The following MAST4 variants were observed in gnomAD, a reference collection of about 807,000 sequenced individuals.
The protein encoded by MAST4 is microtubule-associated serine/threonine-protein kinase 4.
In MAST4, 89 loss-of-function variants were observed where a neutral mutation model predicts 162.7. That is an observed-to-expected ratio of 0.55 (90% CI 0.46 to 0.65). The LOEUF is 0.65. Among genes scored for constraint, MAST4 ranks in the 30% least tolerant of loss-of-function variants. The pLI is 0.00. For synonymous variants in MAST4, 1,479 were observed against 1,361.1 expected (o/e 1.09, Z -1.91); for missense variants, 3,153 against 3,374.0 (o/e 0.93, Z 1.62).
chr5:67,116,829 T>A (rs1188236729), intron 12 of MAST4, among the ~76,000 whole-genome samples: 2 of 152,000 alleles, frequency 1.3e-5, no homozygotes, highest in Non-Finnish European at 2.9e-5. Flanking sequence ...AAATAAAAAA[T>A]AAATGATTAC....
At chr5:67,057,988 G>A (rs1759068262) in intron 5 of MAST4, among the ~76,000 whole-genome samples, 1 of 151,486 alleles carries the variant, frequency 6.6e-6, no homozygotes, top group Admixed American at 6.6e-5. Context: ...ACTTGTGATT[G>A]CAGCACTGTG....
intron 4 of MAST4, among the ~76,000 whole-genome samples, chr5:67,040,371 T>C (rs1172042743): frequency 1.3e-5 from 2 of 152,210 alleles, no homozygotes; most frequent in Non-Finnish European, 2.9e-5. Flanking sequence ...AGGAAGTGCC[T>C]GGTTGACCTG....
chr5:66,641,221 C>T (rs757818326), intron 1 of MAST4, among the ~76,000 whole-genome samples: 2 of 152,020 alleles, frequency 1.3e-5, no homozygotes, highest in Non-Finnish European at 2.9e-5. Context: ...GGTATGATCT[C>T]GGCTCATTGC....
intron 4 of MAST4, among the ~76,000 whole-genome samples, chr5:66,937,581 C>T (rs1742892506): frequency 6.6e-6 from 1 of 152,160 alleles, no homozygotes; most frequent in Admixed American, 6.5e-5. Context: ...CATTACTACA[C>T]TATTTTTAAC....
chr5:67,151,744 CT>C (rs531966597), intron 24 of MAST4, among the ~76,000 whole-genome samples: 5,503 of 137,206 alleles, frequency 0.04, 241 homozygotes, highest in African/African-American at 0.11. Flanking sequence ...AAATTCTTTC[CT>C]TTTTTTTTTT....
chr5:67,144,630 T>G (rs763005755), intron 21 of MAST4, 39 bp from the exon 22 acceptor site: 1 of 1,601,798 alleles, frequency 6.2e-7, no homozygotes, highest in Non-Finnish European at 8.5e-7. Context: ...CAAACTCTTT[T>G]TAGTAGATAT....
At chr5:67,071,414 C>CA (rs1386519450) in intron 5 of MAST4, among the ~76,000 whole-genome samples, 1 of 151,540 alleles carries the variant, frequency 6.6e-6, no homozygotes, top group East Asian at 1.9e-4. Context: ...CAAGAACACA[C>CA]AAAATAACAG....
intron 4 of MAST4, among the ~76,000 whole-genome samples, chr5:66,922,095 T>C (rs1476043687): frequency 1.3e-5 from 2 of 152,166 alleles, no homozygotes; most frequent in Non-Finnish European, 2.9e-5. Context: ...ACTTCCATAT[T>C]GCTGAAATTT....
rs187831916 is a variant in MAST4 at position 66,982,703 on chromosome 5, T to G, written c.675-71701T>G. On this transcript the variant is annotated intron_variant, in intron 4 of 28. Transcript: ENST00000403625. ...GCCTTTTGTTCTCCCTAGCTGATAT[T>G]CTGGCGGCGGATATCAGCACATCAG... Among the ~76,000 whole-genome samples, 391 of 152,322 alleles carry G rather than the reference T, an allele frequency of 2.6e-3. 4 individuals carry two copies. The highest frequency in any genetic ancestry group is 0.022 in the Admixed American group (339 of 15,296).
chr5:67,093,837 C>A (rs1443889019), intron 6 of MAST4, among the ~76,000 whole-genome samples: 2 of 152,212 alleles, frequency 1.3e-5, no homozygotes, highest in East Asian at 3.9e-4. Context: ...CTGAATAATT[C>A]TTTTAAAATC....
At chr5:66,952,883 T>C (rs1013919677) in intron 4 of MAST4, among the ~76,000 whole-genome samples, 9 of 152,186 alleles carry the variant, frequency 5.9e-5, no homozygotes, top group African/African-American at 2.2e-4. Context: ...CTGCCCATCA[T>C]CCTGTGATGG....
intron 1 of MAST4, among the ~76,000 whole-genome samples, chr5:66,674,264 G>T (rs1213912108): frequency 6.6e-6 from 1 of 152,254 alleles, no homozygotes; most frequent in African/African-American, 2.4e-5. Flanking sequence ...GGAGGAAAAA[G>T]GTAGTAAGGC....
intron 19 of MAST4, among the ~76,000 whole-genome samples, chr5:67,137,730 T>C (rs1461202099): frequency 1.3e-5 from 2 of 152,214 alleles, no homozygotes; most frequent in African/African-American, 4.8e-5. Context: ...TGGCCAGATT[T>C]GTCCCACAGC....
intron 2 of MAST4, among the ~76,000 whole-genome samples, chr5:66,779,603 T>C (rs774470257): frequency 6.6e-6 from 1 of 152,098 alleles, no homozygotes; most frequent in Non-Finnish European, 1.5e-5. Flanking sequence ...CAGTCACCCA[T>C]GTGAGTGGAA....
intron 12 of MAST4, among the ~76,000 whole-genome samples, chr5:67,115,453 A>G (rs914529724): frequency 6.6e-6 from 1 of 152,108 alleles, no homozygotes; most frequent in South Asian, 2.1e-4. Context: ...TGGCCATCGT[A>G]TCTTTGCTTC....
intron 26 of MAST4, among the ~76,000 whole-genome samples, chr5:67,159,122 A>G (rs1009388151): frequency 2.0e-5 from 3 of 152,266 alleles, no homozygotes; most frequent in Admixed American, 6.5e-5. Context: ...TTGCTCAGCC[A>G]GTAAAAATCA....
chr5:67,125,612 A>T (rs898415311), intron 14 of MAST4, among the ~76,000 whole-genome samples: 1 of 152,128 alleles, frequency 6.6e-6, no homozygotes, highest in Non-Finnish European at 1.5e-5. Flanking sequence ...ATAGTATTCC[A>T]TGGTGTATAC....
At chr5:66,737,062 G>A (rs1334429629) in intron 1 of MAST4, among the ~76,000 whole-genome samples, 1 of 152,200 alleles carries the variant, frequency 6.6e-6, no homozygotes, top group Non-Finnish European at 1.5e-5. Flanking sequence ...TCCTGTGTAA[G>A]AAATTATCCC....
intron 1 of MAST4, among the ~76,000 whole-genome samples, chr5:66,687,636 T>TTATC (rs34407559): frequency 0.013 from 1,890 of 149,500 alleles, 18 homozygotes; most frequent in Middle Eastern, 0.02. Context: ...GTGTGTGTGT[T>TTATC]TATCTATCTA....
Sources: allele counts gnomAD v4.1 joint callset (sites outside exome capture counted in the v4.1 genomes callset), GRCh38; gene constraint gnomAD v4.1.1; transcripts MANE v1.5; gene names NCBI Gene and HGNC (gene_info 2026-07-23, HGNC 2026-07-21).